Variants in CD81 observed in about 807,000 individuals in gnomAD.
CD81 encodes CD81 antigen.
A neutral mutation model predicts 30.1 loss-of-function variants in CD81; 10 were observed. That is an observed-to-expected ratio of 0.33 (90% CI 0.21 to 0.56). CD81 has a LOEUF of 0.56. Among genes scored for constraint, CD81 ranks in the 20% least tolerant of loss-of-function variants. The pLI is 0.89. For missense variants in CD81, 263 were observed against 308.7 expected (o/e 0.85, Z 1.11); for synonymous variants, 147 against 126.4 (o/e 1.16, Z -1.10).
chr11:2,386,065 T>C (rs1288046558), intron 1 of CD81: 1 of 717,306 alleles, frequency 1.4e-6, no homozygotes, highest in Non-Finnish European at 2.6e-6. Context: ...CAGCAGCATG[T>C]GGTGTGGTTG....
chr11:2,382,189 G>A (rs1307418935), intron 1 of CD81, among the ~76,000 whole-genome samples: 1 of 152,236 alleles, frequency 6.6e-6, no homozygotes, highest in Non-Finnish European at 1.5e-5. Flanking sequence ...ATGGCCGTGG[G>A]ATGGCCAGGA....
At chr11:2,376,314 G>T (rs1849585910), upstream of CD81, 1 of 152,270 alleles carries the variant, frequency 6.6e-6, no homozygotes, top group South Asian at 2.1e-4. Context: ...AAGACGAGCT[G>T]GCTAGAGGAT....
chr11:2,377,651 C>A lies in CD81; in HGVS notation c.66+36C>A. ...CGCCGGGGGCCGGGGCGGGAGGGGG[C>A]AGGCACACACTCCACGTTGGGCAGG... On this transcript the variant is annotated intron_variant, in intron 1 of 7. Transcript: ENST00000263645. The surrounding 1 kb of genome is among the most constrained non-coding windows in gnomAD (Gnocchi z 7.7). 2 of 1,376,076 alleles carry A rather than the reference C, an allele frequency of 1.5e-6. No homozygotes were observed. Among genetic ancestry groups the A allele is most frequent in the Non-Finnish European group, 1.0e-6 (1 of 1,002,944 alleles). 85.2% of individuals were successfully genotyped at this position (1,376,076 alleles called of 1,614,324 possible). A position where few individuals can be genotyped will look rare whatever the true frequency, so the allele number is the denominator to read the frequency against.
At chr11:2,396,157 C>T (rs1025429477) in intron 6 of CD81, 187 bp downstream of exon 6, 9 of 650,814 alleles carry the variant, frequency 1.4e-5, no homozygotes, top group Admixed American at 4.3e-5. Context: ...GGAAGGCAGG[C>T]GCCCTGTGCT....
intron 5 of CD81, 96 bp downstream of exon 5, chr11:2,395,616 G>A (rs929876669): frequency 1.1e-5 from 11 of 993,468 alleles, no homozygotes; most frequent in Non-Finnish European, 1.3e-5. Context: ...CCAGACCTCA[G>A]GAGCAGGAGG....
chr11:2,396,249 T>C (rs1402113993), intron 6 of CD81: 4 of 566,310 alleles, frequency 7.1e-6, no homozygotes, highest in African/African-American at 1.9e-5. Context: ...CACTCGTGGG[T>C]GTGGACGCCC....
intron 1 of CD81, chr11:2,386,762 T>G (rs947351815): frequency 9.1e-6 from 6 of 656,546 alleles, no homozygotes; most frequent in Non-Finnish European, 8.5e-6. Flanking sequence ...CACCCCCATT[T>G]CCGGCTGTCC....
chr11:2,385,938 A>G, intron 1 of CD81: 2 of 677,472 alleles, frequency 3.0e-6, no homozygotes, highest in East Asian at 2.7e-5. Flanking sequence ...CAGCTGGGTC[A>G]TGTGGTGAAT....
At position 2,395,860 on chromosome 11, in the gene CD81, T is replaced by G; in HGVS notation, c.460-9T>G. 1 of 1,600,828 alleles carries G rather than the reference T, an allele frequency of 6.2e-7. No homozygotes were observed. Among genetic ancestry groups the G allele is most frequent in the Non-Finnish European group, 8.5e-7 (1 of 1,169,908 alleles). On this transcript the variant is annotated splice_polypyrimidine_tract_variant and intron_variant, in intron 5 of 7. Coordinates refer to ENST00000263645, the MANE Select transcript of CD81 (RefSeq NM_004356.4). Reference sequence around the variant, plus strand: ...TCCAGGGCTGACCTTGCACCCCTGCTCTCTGCAGCTTGACTGCTGTGGCTC... The same window carrying G: ...TCCAGGGCTGACCTTGCACCCCTGCGCTCTGCAGCTTGACTGCTGTGGCTC...
At chr11:2,383,090 G>A (rs778474000) in intron 1 of CD81, among the ~76,000 whole-genome samples, 5 of 152,308 alleles carry the variant, frequency 3.3e-5, no homozygotes, top group East Asian at 3.9e-4. Context: ...CCCAGCTGGC[G>A]GGGCCAGAGG....
chr11:2,395,858 G>T lies in CD81; in HGVS notation c.460-11G>T, dbSNP rs772394309. 6.3e-7 allele frequency: 1 copy of T among 1,598,068 alleles called. No homozygotes were observed. Among genetic ancestry groups the T allele is most frequent in the South Asian group, 1.1e-5 (1 of 90,800 alleles). On this transcript the variant is annotated splice_polypyrimidine_tract_variant and intron_variant, in intron 5 of 7. Coordinates refer to ENST00000263645, the MANE Select transcript of CD81 (RefSeq NM_004356.4). ...CATCCAGGGCTGACCTTGCACCCCTGCTCTCTGCAGCTTGACTGCTGTGGC... is the reference window on the plus strand; with the variant it reads ...CATCCAGGGCTGACCTTGCACCCCTTCTCTCTGCAGCTTGACTGCTGTGGC...
chr11:2,385,601 CCTGT>C (rs1849780832), intron 1 of CD81: 2 of 199,660 alleles, frequency 1.0e-5, no homozygotes, highest in Admixed American at 6.2e-5. Flanking sequence ...GTGTGGCATG[CCTGT>C]CTGTGCACCC....
chr11:2,394,756 G>C (rs12285824), intron 3 of CD81: 2 of 633,860 alleles, frequency 3.2e-6, no homozygotes, highest in Admixed American at 2.2e-5. Context: ...CTGGTGCCGC[G>C]TGGGGACATC....
chr11:2,393,800 G>A (rs564033325), intron 2 of CD81: 20 of 620,540 alleles, frequency 3.2e-5, no homozygotes, highest in Admixed American at 7.3e-5. Flanking sequence ...GGGCCCCACC[G>A]CAGGTGTCAT....
intron 4 of CD81, 92 bp downstream of exon 4, chr11:2,395,138 G>C (rs1849973456): frequency 1.8e-6 from 2 of 1,086,168 alleles, no homozygotes; most frequent in Admixed American, 1.8e-5. Context: ...CTCATGGCTT[G>C]TGGGAGCTCT....
At chr11:2,379,193 C>T (rs1046534478) in intron 1 of CD81, 6 of 451,112 alleles carry the variant, frequency 1.3e-5, no homozygotes, top group African/African-American at 4.1e-5. Context: ...CCTGAAGCCC[C>T]GTCCCCTGAC....
At position 2,386,571 on chromosome 11, in the gene CD81, C is replaced by T. The variant is rs1034129585; in HGVS notation, c.67-3841C>T. The T allele has an allele frequency of 7.0e-6, 5 of 717,148 alleles. No individual in the cohort carries two copies. The Admixed American group carries it at 1.0e-4, about 14-fold the overall frequency. 44.4% of individuals were successfully genotyped at this position (717,148 alleles called of 1,614,324 possible). A position where few individuals can be genotyped will look rare whatever the true frequency, so the allele number is the denominator to read the frequency against. The stretch of plus-strand genomic sequence containing the variant: ...GTCACCTAGCTCCAGCTCAAGGTCC[C>T]TGCTGAAGGTCGGAGAGCTTGGCAT... On this transcript the variant is annotated intron_variant, in intron 1 of 7. Coordinates refer to ENST00000263645, the MANE Select transcript of CD81 (RefSeq NM_004356.4).
intron 3 of CD81, 32 bp downstream of exon 3, chr11:2,394,224 C>T (rs561543374): frequency 4.8e-6 from 7 of 1,468,894 alleles, no homozygotes; most frequent in African/African-American, 2.8e-5. Flanking sequence ...GTGCCTGGGC[C>T]GGGGAGGGGC....
upstream of CD81, chr11:2,376,328 T>C (rs1849586377): frequency 6.6e-6 from 1 of 152,246 alleles, no homozygotes; most frequent in South Asian, 2.1e-4. Flanking sequence ...AGAGGATGGT[T>C]CTCCGGACCT....
Sources: gnomAD v4.1 joint callset for allele counts (sites outside exome capture counted in the v4.1 genomes callset) on GRCh38, gnomAD v4.1.1 for gene constraint, Gnocchi (gnomAD v3.1) non-coding constraint, MANE v1.5 for transcripts, NCBI Gene and HGNC (gene_info 2026-07-23, HGNC 2026-07-21) for gene names.